The following MTFR1 variants were observed in gnomAD, a reference collection of about 807,000 sequenced individuals.
MTFR1 encodes chondrocyte protein with a poly-proline region.
MTFR1 carries 28 observed loss-of-function variants against 38.8 expected under a neutral mutation model. That is an observed-to-expected ratio of 0.72 (90% CI 0.53 to 0.99). The LOEUF (loss-of-function observed/expected upper bound fraction) is 0.99, where lower values mean the gene tolerates loss of function less well. Among genes scored for constraint, MTFR1 ranks in the 50% least tolerant of loss-of-function variants. The probability of loss-of-function intolerance (pLI) is 0.00; values close to 1 mark genes in which losing one functional copy is unlikely to be tolerated. For missense variants in MTFR1, 358 were observed against 395.5 expected, an observed-to-expected ratio of 0.91 and a Z score of 0.81; for synonymous variants, 145 against 137.0, an observed-to-expected ratio of 1.06 and a Z score of -0.41.
intron 3 of MTFR1, among the ~76,000 whole-genome samples, chr8:65,769,247 CAAAAAA>C (rs61554087): frequency 4.0e-5 from 3 of 74,456 alleles, no homozygotes; most frequent in Non-Finnish European, 2.6e-5. Flanking sequence ...GACTCAGTCT[CAAAAAA>C]AAAAAAAAAA....
At chr8:65,710,864 CCAACA>C (rs1405669927), downstream of MTFR1, among the ~76,000 whole-genome samples, 1 of 152,050 alleles carries the variant, frequency 6.6e-6, no homozygotes, top group African/African-American at 2.4e-5. Flanking sequence ...GTTCTTTCAC[CCAACA>C]CAACACCTGA....
At chr8:65,704,671 C>A in intron 4 of MTFR1, 23 bp from the exon 5 acceptor site, 1 of 1,602,874 alleles carries the variant, frequency 6.2e-7, no homozygotes, top group Non-Finnish European at 8.5e-7. Context: ...CCTGTGACAG[C>A]CCACCTTATG....
downstream of MTFR1, among the ~76,000 whole-genome samples, chr8:65,711,518 C>T (rs1805945579): frequency 6.6e-6 from 1 of 151,908 alleles, no homozygotes; most frequent in Non-Finnish European, 1.5e-5. Context: ...TAGAATGAGG[C>T]ACTTGGTTTC....
At chr8:65,678,416 TC>T (rs1804778804) in intron 2 of MTFR1, among the ~76,000 whole-genome samples, 1 of 152,218 alleles carries the variant, frequency 6.6e-6, no homozygotes, top group Non-Finnish European at 1.5e-5. Context: ...AATATTTCAG[TC>T]ATTAGTTTAC....
At chr8:65,778,536 C>A in the MTFR1 span, among the ~76,000 whole-genome samples, 1 of 152,164 alleles carries the variant, frequency 6.6e-6, no homozygotes, top group African/African-American at 2.4e-5. Context: ...TTGATATATA[C>A]CCTGACTGAA....
chr8:65,770,119 TTCTGTGTGTG>T (rs1157598695), intron 3 of MTFR1, among the ~76,000 whole-genome samples: 1 of 120,514 alleles, frequency 8.3e-6, no homozygotes, highest in African/African-American at 3.5e-5. Flanking sequence ...TGCAGTATAC[TTCTGTGTGTG>T]TGTGTGTGTG....
At chr8:65,665,168 C>T (rs947744914) in intron 1 of MTFR1, among the ~76,000 whole-genome samples, 3 of 151,356 alleles carry the variant, frequency 2.0e-5, no homozygotes, top group Non-Finnish European at 4.4e-5. Flanking sequence ...CTCTTGACCT[C>T]ATAATCCGCC....
At chr8:65,670,098 A>G (rs1205588122) in intron 2 of MTFR1, 80 bp downstream of exon 2, 2 of 1,180,916 alleles carry the variant, frequency 1.7e-6, no homozygotes, top group African/African-American at 1.6e-5. Flanking sequence ...AAATAAATCT[A>G]TATATGACCA....
chr8:65,675,062 A>G (rs886836037), intron 2 of MTFR1, among the ~76,000 whole-genome samples: 1 of 151,928 alleles, frequency 6.6e-6, no homozygotes, highest in African/African-American at 2.4e-5. Flanking sequence ...AGGCTTAGGC[A>G]GGCAGATCAC....
intron 1 of MTFR1, among the ~76,000 whole-genome samples, chr8:65,662,205 C>G (rs1809447472): frequency 6.6e-6 from 1 of 152,010 alleles, no homozygotes; most frequent in African/African-American, 2.4e-5. Context: ...CTGCCTGATT[C>G]TCCTGCCTCA....
intron 3 of MTFR1, among the ~76,000 whole-genome samples, chr8:65,769,247 CA>C (rs61554087): frequency 0.34 from 25,688 of 74,566 alleles, 1,310 homozygotes; most frequent in African/African-American, 0.38. Flanking sequence ...GACTCAGTCT[CA>C]AAAAAAAAAA....
chr8:65,677,172 A>G lies in MTFR1; in HGVS notation c.67-5181A>G, dbSNP rs536003650. The stretch of plus-strand genomic sequence containing the variant: ...ACTGCAACCTCCACCTCCCGGTTCA[A>G]GCAATTCTGCCTCAAGCCTCCTGAG... On this transcript the variant is annotated intron_variant, in intron 2 of 7. Coordinates refer to ENST00000262146, the MANE Select transcript of MTFR1 (RefSeq NM_014637.4). 2.0e-5 allele frequency among the ~76,000 whole-genome samples: 3 copies of G among 148,350 alleles called. No individual in the cohort carries two copies. In the East Asian group the frequency reaches 6.0e-4, roughly 30 times the overall value.
At chr8:65,721,024 T>A (rs1389541938) in intron 3 of MTFR1, among the ~76,000 whole-genome samples, 1 of 152,214 alleles carries the variant, frequency 6.6e-6, no homozygotes, top group African/African-American at 2.4e-5. Context: ...ACAAATTAGC[T>A]ATCACTTCTG....
chr8:65,698,101 C>G lies in MTFR1; in HGVS notation c.281+4342C>G, dbSNP rs573477475. On this transcript the variant is annotated intron_variant, in intron 4 of 7. Transcript: ENST00000262146. ...CCTAGATCCTGAGACTTCTTTTTCCCTAAGAGGTTTATAGTTTTATATTTT... is the reference window on the plus strand; with the variant it reads ...CCTAGATCCTGAGACTTCTTTTTCCGTAAGAGGTTTATAGTTTTATATTTT... Among the ~76,000 whole-genome samples, 13 of 149,772 alleles carry G rather than the reference C, an allele frequency of 8.7e-5. No individual in the cohort carries two copies. In the South Asian group the frequency reaches 2.3e-3, roughly 27 times the overall value.
intron 3 of MTFR1, among the ~76,000 whole-genome samples, chr8:65,744,482 G>C (rs751096929): frequency 6.6e-6 from 1 of 152,120 alleles, no homozygotes; most frequent in Non-Finnish European, 1.5e-5. Flanking sequence ...AAGAGAATAA[G>C]AAAACATGAC....
downstream of MTFR1, among the ~76,000 whole-genome samples, chr8:65,772,516 GAAGAA>G (rs1371337639): frequency 6.6e-6 from 1 of 152,184 alleles, no homozygotes. Flanking sequence ...ACTTCACAGG[GAAGAA>G]GAGGGGTAAA....
chr8:65,668,344 A>AT (rs34636319), intron 1 of MTFR1, among the ~76,000 whole-genome samples: 311 of 134,178 alleles, frequency 2.3e-3, no homozygotes, highest in South Asian at 5.6e-3. Flanking sequence ...CACCCAGCTA[A>AT]TTTTTTTTTT....
intron 3 of MTFR1, among the ~76,000 whole-genome samples, chr8:65,689,016 G>T (rs528641930): frequency 1.3e-4 from 20 of 152,086 alleles, no homozygotes; most frequent in African/African-American, 3.9e-4. Context: ...ATGGTGGTGG[G>T]TGCCTGTAAT....
In MTFR1 at chr8:65,690,735, T is replaced by C. The variant is rs76042645; in HGVS notation, c.166-2909T>C. Among the ~76,000 whole-genome samples, 957 of 152,260 alleles carry C rather than the reference T, an allele frequency of 6.3e-3. 9 individuals carry two copies. Among genetic ancestry groups the C allele is most frequent in the African/African-American group, 0.022 (919 of 41,548 alleles). ...TATATTGGAACAGAATTTTTATTTCTAAACAAAGGGTCATGATCAGATTGA... is the reference window on the plus strand; with the variant it reads ...TATATTGGAACAGAATTTTTATTTCCAAACAAAGGGTCATGATCAGATTGA... On this transcript the variant is annotated intron_variant, in intron 3 of 7. Transcript: ENST00000262146.
Sources: gnomAD v4.1 joint callset for allele counts (sites outside exome capture counted in the v4.1 genomes callset) on GRCh38, gnomAD v4.1.1 for gene constraint, MANE v1.5 for transcripts, NCBI Gene and HGNC (gene_info 2026-07-23, HGNC 2026-07-21) for gene names.